The following FAAH2 variants were observed in gnomAD, a reference collection of about 807,000 sequenced individuals.
The protein encoded by FAAH2 is fatty acid amide hydrolase 2.
A neutral mutation model predicts 36.9 loss-of-function variants in FAAH2; 60 were observed. The ratio of observed to expected loss-of-function variants is 1.63; its 90% CI spans 1.32 to 2.02. The LOEUF (loss-of-function observed/expected upper bound fraction) is 2.02. Ranked by LOEUF, FAAH2 falls within the 30% of genes most tolerant of loss-of-function variation. The pLI is 0.00. For synonymous variants in FAAH2, 214 were observed against 143.8 expected (o/e 1.49, Z -3.49); for missense variants, 689 against 397.5 (o/e 1.73, Z -6.23).
intron 10 of FAAH2, among the ~76,000 whole-genome samples, chrX:57,473,093 G>A (rs1403601593): frequency 1.8e-5 from 2 of 110,519 alleles, no homozygotes; most frequent in Non-Finnish European, 3.8e-5. Flanking sequence ...GTTTGTTCAT[G>A]TTTTTATATT....
At chrX:57,185,858 T>C in the FAAH2 span, among the ~76,000 whole-genome samples, 1 of 110,842 alleles carries the variant, frequency 9.0e-6, no homozygotes, top group Admixed American at 9.7e-5. Context: ...GTCTCCAGCT[T>C]CATCCATATC....
intron 5 of FAAH2, among the ~76,000 whole-genome samples, chrX:57,346,190 C>T (rs754514323): frequency 9.0e-6 from 1 of 111,136 alleles, no homozygotes; most frequent in South Asian, 3.8e-4. Context: ...TAGTTTTCTG[C>T]CTCAAAGATC....
chrX:57,303,839 T>C (rs956922279), intron 2 of FAAH2, among the ~76,000 whole-genome samples: 1 of 112,210 alleles, frequency 8.9e-6, no homozygotes, highest in Non-Finnish European at 1.9e-5. Flanking sequence ...TCAATACTTA[T>C]TTTTCTGAAT....
chrX:57,376,490 G>T (rs750060265), intron 5 of FAAH2, among the ~76,000 whole-genome samples: 25 of 111,210 alleles, frequency 2.2e-4, no homozygotes, highest in Non-Finnish European at 4.5e-4. Flanking sequence ...TGTGGTGTTT[G>T]GTTTTCTCTT....
intron 5 of FAAH2, among the ~76,000 whole-genome samples, chrX:57,346,479 C>T (rs943977558): frequency 1.8e-5 from 2 of 111,784 alleles, no homozygotes; most frequent in African/African-American, 3.3e-5. Context: ...GTAAGTTTTT[C>T]TCCATCGCGT....
In FAAH2 at chrX:57,396,091, G is replaced by T. The variant is rs192060657; in HGVS notation, c.996+15062G>T. Among the ~76,000 whole-genome samples, 5 of 111,531 alleles carry T rather than the reference G, an allele frequency of 4.5e-5. No homozygotes were observed. The East Asian group carries it at 1.1e-3, about 25-fold the overall frequency. ...TTGGGAGGTTGTATGTGTCCAGGAA[G>T]TATCCATGTTTTCTAGGTTTTCTAG... On this transcript the variant is annotated intron_variant, in intron 7 of 10. Coordinates refer to ENST00000374900, the MANE Select transcript of FAAH2 (RefSeq NM_174912.4).
At chrX:57,433,952 A>G (rs1401606093) in intron 8 of FAAH2, among the ~76,000 whole-genome samples, 2 of 111,996 alleles carry the variant, frequency 1.8e-5, no homozygotes, top group East Asian at 2.8e-4. Context: ...CTGAAAAAGA[A>G]ATGTACTATA....
chrX:57,428,106 AG>A (rs746181692), intron 7 of FAAH2, among the ~76,000 whole-genome samples: 11 of 112,038 alleles, frequency 9.8e-5, no homozygotes, highest in African/African-American at 3.6e-4. Flanking sequence ...GTAATAATCA[AG>A]CTTAGAACCA....
chrX:57,172,947 A>C, the FAAH2 span, among the ~76,000 whole-genome samples: 1 of 111,879 alleles, frequency 8.9e-6, no homozygotes, highest in African/African-American at 3.3e-5. Context: ...TGGGGGCTTG[A>C]CAGGCGAGGG....
At chrX:57,315,531 T>A (rs898175751) in intron 3 of FAAH2, among the ~76,000 whole-genome samples, 1 of 111,188 alleles carries the variant, frequency 9.0e-6, no homozygotes, top group Non-Finnish European at 1.9e-5. Flanking sequence ...GCAAACCAAA[T>A]CCAGCAACAC....
the FAAH2 span, among the ~76,000 whole-genome samples, chrX:57,158,929 C>T: frequency 2.7e-5 from 3 of 112,139 alleles, no homozygotes; most frequent in South Asian, 1.1e-3. Context: ...CATGCCATGT[C>T]CTGAATGGTA....
At chrX:57,465,577 A>G (rs776045354) in intron 10 of FAAH2, among the ~76,000 whole-genome samples, 1 of 111,615 alleles carries the variant, frequency 9.0e-6, no homozygotes, top group African/African-American at 3.2e-5. Flanking sequence ...TACTCTTATA[A>G]TTCACAGAAT....
chrX:57,132,491 G>A, the FAAH2 span, among the ~76,000 whole-genome samples: 1 of 112,099 alleles, frequency 8.9e-6, no homozygotes, highest in Non-Finnish European at 1.9e-5. Flanking sequence ...ACCAGAAAAC[G>A]TGGTGTAGTC....
chrX:57,397,792 G>T (rs763852011), intron 7 of FAAH2, among the ~76,000 whole-genome samples: 1 of 109,625 alleles, frequency 9.1e-6, no homozygotes, highest in African/African-American at 3.3e-5. Flanking sequence ...CCTTGTTGGG[G>T]TGCTGCACCC....
chrX:57,299,360 G>T (rs919448009), intron 2 of FAAH2, among the ~76,000 whole-genome samples: 1 of 111,983 alleles, frequency 8.9e-6, no homozygotes, highest in Admixed American at 9.5e-5. Context: ...AAAACCACAT[G>T]ATTATCTCAA....
At chrX:57,438,034 T>C (rs868845268) in intron 8 of FAAH2, among the ~76,000 whole-genome samples, 6 of 102,757 alleles carry the variant, frequency 5.8e-5, no homozygotes, top group African/African-American at 1.0e-4. Context: ...TATATACATA[T>C]GTATATATAT....
the FAAH2 span, among the ~76,000 whole-genome samples, chrX:57,191,909 A>G: frequency 8.9e-6 from 1 of 111,795 alleles, no homozygotes; most frequent in South Asian, 3.7e-4. Context: ...GAAGTCAGGT[A>G]ATGTGATTCC....
chrX:57,290,719 T>A (rs772218758), intron 1 of FAAH2, among the ~76,000 whole-genome samples: 35 of 111,601 alleles, frequency 3.1e-4, no homozygotes, highest in Non-Finnish European at 6.0e-4. Context: ...TTTAAAAAAA[T>A]TGCTTTATTT....
intron 10 of FAAH2, among the ~76,000 whole-genome samples, chrX:57,487,340 G>A (rs6612821): frequency 0.53 from 57,752 of 108,975 alleles, 13,706 homozygotes; most frequent in Non-Finnish European, 0.73. Context: ...AAAGTAAAAA[G>A]GAAAGACACT....
Sources: allele counts gnomAD v4.1 joint callset (sites outside exome capture counted in the v4.1 genomes callset), GRCh38; gene constraint gnomAD v4.1.1; transcripts MANE v1.5; gene names NCBI Gene and HGNC (gene_info 2026-07-23, HGNC 2026-07-21).